ADAMTSL1: variants seen among roughly 807,000 people sequenced by gnomAD.
ADAMTSL1 encodes the protein ADAMTS-like protein 1.
In ADAMTSL1, 126 loss-of-function variants were observed where a neutral mutation model predicts 201.8. That is an observed-to-expected ratio of 0.62 (90% CI 0.54 to 0.72). The LOEUF is 0.72. Among genes scored for constraint, ADAMTSL1 ranks in the 30% least tolerant of loss-of-function variants. ADAMTSL1 has a pLI of 0.00. For missense variants in ADAMTSL1, 2,679 were observed against 2,277.8 expected (o/e 1.18, Z -3.59); for synonymous variants, 1,121 against 903.4 (o/e 1.24, Z -4.32).
intron 2 of ADAMTSL1, among the ~76,000 whole-genome samples, chr9:18,462,372 C>T (rs955325325): frequency 1.3e-5 from 2 of 152,174 alleles, no homozygotes; most frequent in Non-Finnish European, 2.9e-5. Flanking sequence ...GAGCCCTATG[C>T]TACATACTGG....
At chr9:18,555,394 T>G (rs975898527) in intron 3 of ADAMTSL1, among the ~76,000 whole-genome samples, 2 of 152,000 alleles carry the variant, frequency 1.3e-5, no homozygotes, top group African/African-American at 4.8e-5. Context: ...TTTTAAATTT[T>G]TATTTATACT....
intron 2 of ADAMTSL1, among the ~76,000 whole-genome samples, chr9:18,301,270 A>G (rs1833699582): frequency 6.6e-6 from 1 of 152,230 alleles, no homozygotes; most frequent in African/African-American, 2.4e-5. Context: ...AATGAAATAC[A>G]GTTCATTAGA....
chr9:18,058,637 C>T (rs552537497), intron 1 of ADAMTSL1, among the ~76,000 whole-genome samples: 2 of 152,032 alleles, frequency 1.3e-5, no homozygotes, highest in East Asian at 3.9e-4. Flanking sequence ...CTGTAAAATC[C>T]CATACTTTTG....
At chr9:18,229,699 A>AT (rs773975377) in intron 2 of ADAMTSL1, among the ~76,000 whole-genome samples, 2,018 of 144,300 alleles carry the variant, frequency 0.014, 32 homozygotes, top group African/African-American at 0.039. Context: ...TTCAACCAAC[A>AT]TTTTTTTTTT....
At chr9:18,793,846 C>T (rs945183086) in intron 19 of ADAMTSL1, among the ~76,000 whole-genome samples, 3 of 152,112 alleles carry the variant, frequency 2.0e-5, no homozygotes, top group Non-Finnish European at 4.4e-5. Context: ...ATCAGCCAGC[C>T]TCACTAAGTC....
intron 2 of ADAMTSL1, among the ~76,000 whole-genome samples, chr9:18,298,889 T>C (rs1341144606): frequency 2.6e-5 from 4 of 151,812 alleles, no homozygotes; most frequent in East Asian, 1.9e-4. Context: ...CGGGCGCCTG[T>C]AGTCCCAGCT....
chr9:18,517,190 A>G (rs895625393), intron 2 of ADAMTSL1, among the ~76,000 whole-genome samples: 11 of 152,258 alleles, frequency 7.2e-5, no homozygotes, highest in African/African-American at 2.6e-4. Flanking sequence ...GTGTGTGTAT[A>G]CTATAAAGTG....
intron 19 of ADAMTSL1, among the ~76,000 whole-genome samples, chr9:18,794,849 C>T (rs1360116049): frequency 1.3e-5 from 2 of 152,040 alleles, no homozygotes; most frequent in East Asian, 1.9e-4. Flanking sequence ...GCCATGTTGG[C>T]CAGGCTGTTC....
chr9:18,779,280 A>G (rs1039155370), intron 19 of ADAMTSL1, among the ~76,000 whole-genome samples: 2 of 152,212 alleles, frequency 1.3e-5, no homozygotes, highest in Non-Finnish European at 2.9e-5. Context: ...ACTTTTGTCC[A>G]TCCTGCACAC....
intron 2 of ADAMTSL1, among the ~76,000 whole-genome samples, chr9:18,511,887 C>G (rs1818046625): frequency 6.6e-6 from 1 of 152,062 alleles, no homozygotes; most frequent in African/African-American, 2.4e-5. Context: ...ATCATAACAT[C>G]CAATTAAGAT....
At chr9:18,568,726 A>ATTTTTTTT (rs57985853) in intron 3 of ADAMTSL1, among the ~76,000 whole-genome samples, 1 of 143,794 alleles carries the variant, frequency 7.0e-6, no homozygotes, top group Non-Finnish European at 1.5e-5. Context: ...AGAAGCATGG[A>ATTTTTTTT]TTTTTTTTTT....
chr9:18,183,826 C>T (rs1231920100), intron 2 of ADAMTSL1, among the ~76,000 whole-genome samples: 2 of 152,130 alleles, frequency 1.3e-5, no homozygotes, highest in Non-Finnish European at 2.9e-5. Context: ...CTAATTACAG[C>T]TTGAAGATTC....
chr9:18,376,457 A>G (rs1299130555), intron 2 of ADAMTSL1, among the ~76,000 whole-genome samples: 3 of 152,322 alleles, frequency 2.0e-5, no homozygotes, highest in East Asian at 3.9e-4. Flanking sequence ...AGAAGAAGAA[A>G]CAGAATTGCA....
intron 1 of ADAMTSL1, among the ~76,000 whole-genome samples, chr9:18,076,960 G>A (rs1163113744): frequency 2.0e-5 from 3 of 152,108 alleles, no homozygotes; most frequent in East Asian, 1.9e-4. Context: ...GGAATTACAC[G>A]CTGTTAGATG....
At chr9:18,180,748 C>A (rs1828429078) in intron 2 of ADAMTSL1, among the ~76,000 whole-genome samples, 1 of 152,234 alleles carries the variant, frequency 6.6e-6, no homozygotes, top group Non-Finnish European at 1.5e-5. Context: ...CCCCATCAAG[C>A]TACCAATGAC....
intron 3 of ADAMTSL1, among the ~76,000 whole-genome samples, chr9:18,559,444 A>G (rs1821329440): frequency 6.6e-6 from 1 of 151,712 alleles, no homozygotes; most frequent in South Asian, 2.1e-4. Flanking sequence ...GTAATGTGAT[A>G]CCTCCAGCTT....
intron 1 of ADAMTSL1, among the ~76,000 whole-genome samples, chr9:18,071,082 T>C (rs1297695788): frequency 6.6e-6 from 1 of 152,076 alleles, no homozygotes; most frequent in African/African-American, 2.4e-5. Flanking sequence ...ATCAAGAATA[T>C]ATGGAGAAAG....
In ADAMTSL1 at chr9:18,621,097, C is replaced by T. The variant is rs568796797; in HGVS notation, c.475-1146C>T. ...CTTTATGAAGAGAAGCCATAAGTCC[C>T]TTCAGTTGTCACTACCATTATTTTA... On this transcript the variant is annotated intron_variant, in intron 4 of 28. Coordinates refer to ENST00000380548, the MANE Select transcript of ADAMTSL1 (RefSeq NM_001040272.6). Among the ~76,000 whole-genome samples the T allele has an allele frequency of 8.1e-4, 124 of 152,222 alleles. 1 individual carries two copies. Among genetic ancestry groups the T allele is most frequent in the Middle Eastern group, 3.4e-3 (1 of 294 alleles).
intron 23 of ADAMTSL1, among the ~76,000 whole-genome samples, chr9:18,850,869 G>A (rs1367726789): frequency 6.6e-6 from 1 of 152,140 alleles, no homozygotes. Flanking sequence ...GGTAAATTAA[G>A]CAAGAAAAAG....
Sources: gnomAD v4.1 joint callset for allele counts (sites outside exome capture counted in the v4.1 genomes callset) on GRCh38, gnomAD v4.1.1 for gene constraint, MANE v1.5 for transcripts, NCBI Gene and HGNC (gene_info 2026-07-23, HGNC 2026-07-21) for gene names.